ERC2: variants seen among roughly 807,000 people sequenced by gnomAD.
The protein encoded by ERC2 is ELKS/RAB6-interacting/CAST family member 2, also known as ERC protein 2.
A neutral mutation model predicts 114.8 loss-of-function variants in ERC2; 42 were observed. The ratio of observed to expected loss-of-function variants is 0.37; its 90% confidence interval spans 0.29 to 0.47. ERC2 has a LOEUF of 0.47. Ranked by LOEUF, ERC2 falls within the 20% of genes least tolerant of loss-of-function variation. The probability of loss-of-function intolerance (pLI) is 0.99; values close to 1 mark genes in which losing one functional copy is unlikely to be tolerated. For synonymous variants in ERC2, 454 were observed against 425.5 expected (o/e 1.07, Z -0.82); for missense variants, 939 against 1,150.7 (o/e 0.82, Z 2.66).
At chr3:55,611,309 G>T (rs987560651) in intron 17 of ERC2, among the ~76,000 whole-genome samples, 1 of 152,092 alleles carries the variant, frequency 6.6e-6, no homozygotes, top group African/African-American at 2.4e-5. Context: ...TGTCCTCTCC[G>T]TGAGCTAATT....
chr3:55,817,256 G>A (rs1414059446), intron 14 of ERC2, among the ~76,000 whole-genome samples: 4 of 152,192 alleles, frequency 2.6e-5, no homozygotes, highest in Non-Finnish European at 5.9e-5. Context: ...TCTGAACCCA[G>A]CTCTGACTTG....
At chr3:56,022,005 C>T (rs1361295520) in intron 7 of ERC2, among the ~76,000 whole-genome samples, 2 of 152,066 alleles carry the variant, frequency 1.3e-5, no homozygotes, top group Non-Finnish European at 2.9e-5. Context: ...CATGGTTTTG[C>T]TATTGTGAAC....
At chr3:55,694,275 T>C (rs756657233) in intron 16 of ERC2, among the ~76,000 whole-genome samples, 2 of 152,170 alleles carry the variant, frequency 1.3e-5, no homozygotes, top group Non-Finnish European at 2.9e-5. Flanking sequence ...TTTCTTTATT[T>C]ATGCAATGGG....
chr3:55,832,443 G>A (rs1196118044), intron 14 of ERC2, among the ~76,000 whole-genome samples: 4 of 152,186 alleles, frequency 2.6e-5, no homozygotes, highest in African/African-American at 9.7e-5. Flanking sequence ...CAGCATTCAC[G>A]GTTCACGAAA....
chr3:56,021,972 T>TTAATGGG (rs2073750732), intron 7 of ERC2, among the ~76,000 whole-genome samples: 1 of 152,252 alleles, frequency 6.6e-6, no homozygotes, highest in Admixed American at 6.5e-5. Flanking sequence ...CAGTCTGTCA[T>TTAATGGG]TAATGGGCAT....
At chr3:56,223,506 A>G (rs2050053054) in intron 3 of ERC2, among the ~76,000 whole-genome samples, 1 of 134,446 alleles carries the variant, frequency 7.4e-6, no homozygotes, top group African/African-American at 2.7e-5. Context: ...AAAGGCTACC[A>G]AAGAAAAATG....
intron 9 of ERC2, among the ~76,000 whole-genome samples, chr3:56,007,644 A>C (rs910242602): frequency 4.6e-5 from 7 of 152,086 alleles, no homozygotes; most frequent in African/African-American, 1.7e-4. Context: ...AGACACCCTG[A>C]ACCTTCCGTT....
intron 17 of ERC2, 37 bp downstream of exon 17, chr3:55,683,756 AT>A (rs1387649421): frequency 3.8e-6 from 6 of 1,559,100 alleles, no homozygotes; most frequent in Non-Finnish European, 4.4e-6. Context: ...CTAGAATGCA[AT>A]TTTTTAATAA....
At chr3:55,583,752 G>A (rs993882760) in intron 17 of ERC2, among the ~76,000 whole-genome samples, 7 of 151,720 alleles carry the variant, frequency 4.6e-5, no homozygotes, top group East Asian at 1.9e-4. Flanking sequence ...AACCAGCCAC[G>A]TCTGTAATGG....
At chr3:56,102,054 G>A (rs1462472505) in intron 6 of ERC2, among the ~76,000 whole-genome samples, 1 of 152,190 alleles carries the variant, frequency 6.6e-6, no homozygotes, top group East Asian at 1.9e-4. Flanking sequence ...CTTGTCACCT[G>A]GATGTTCTTA....
intron 14 of ERC2, among the ~76,000 whole-genome samples, chr3:55,771,238 T>C (rs555162975): frequency 4.6e-5 from 7 of 152,300 alleles, no homozygotes; most frequent in Admixed American, 3.3e-4. Context: ...TCCACAATGG[T>C]TGAACTCATT....
At chr3:55,672,530 A>G (rs1242306326) in intron 17 of ERC2, among the ~76,000 whole-genome samples, 1 of 152,120 alleles carries the variant, frequency 6.6e-6, no homozygotes, top group Admixed American at 6.5e-5. Context: ...TAAAATGGGC[A>G]TGGTGTCACC....
At chr3:55,884,478 C>T (rs534506486) in intron 14 of ERC2, among the ~76,000 whole-genome samples, 3 of 151,826 alleles carry the variant, frequency 2.0e-5, no homozygotes, top group African/African-American at 7.2e-5. Context: ...TTAAAATGAA[C>T]AATATCACCT....
chr3:56,009,729 T>C lies in ERC2; in HGVS notation c.1920+720A>G, dbSNP rs532334043. Among the ~76,000 whole-genome samples the C allele has an allele frequency of 6.6e-5, 10 of 152,292 alleles. No homozygotes were observed. In the Middle Eastern group the frequency reaches 0.014, roughly 207 times the overall value. The stretch of plus-strand genomic sequence containing the variant: ...TGCTGCTCATACTTCTCCACCGAAC[T>C]ATCCCCAAGAAAACTGAGAGGGTTA... On this transcript the variant is annotated intron_variant, in intron 9 of 17. Transcript: ENST00000288221.
intron 3 of ERC2, among the ~76,000 whole-genome samples, chr3:56,240,363 T>C (rs2051245583): frequency 6.6e-6 from 1 of 152,234 alleles, no homozygotes; most frequent in Non-Finnish European, 1.5e-5. Context: ...ATGTGTAAAA[T>C]AACTAATCTC....
chr3:56,086,412 C>G (rs1471209727), intron 6 of ERC2, among the ~76,000 whole-genome samples: 1 of 151,822 alleles, frequency 6.6e-6, no homozygotes, highest in Non-Finnish European at 1.5e-5. Context: ...TACTTAACTT[C>G]AAAGGAATTT....
intron 6 of ERC2, among the ~76,000 whole-genome samples, chr3:56,100,563 T>C (rs2078296818): frequency 6.6e-6 from 1 of 152,252 alleles, no homozygotes; most frequent in Admixed American, 6.5e-5. Flanking sequence ...AAAAGATATT[T>C]CATTTTGATT....
At chr3:56,099,992 A>T (rs950748133) in intron 6 of ERC2, among the ~76,000 whole-genome samples, 1 of 151,402 alleles carries the variant, frequency 6.6e-6, no homozygotes, top group Non-Finnish European at 1.5e-5. Flanking sequence ...TATTGGGGAG[A>T]AAAAAAAAGG....
chr3:55,988,605 C>T (rs1289294565), intron 11 of ERC2, among the ~76,000 whole-genome samples: 1 of 152,148 alleles, frequency 6.6e-6, no homozygotes, highest in African/African-American at 2.4e-5. Context: ...TATTCCTAAC[C>T]CTGTACCTTT....
Sources: allele counts gnomAD v4.1 joint callset (sites outside exome capture counted in the v4.1 genomes callset), GRCh38; gene constraint gnomAD v4.1.1; transcripts MANE v1.5; gene names NCBI Gene and HGNC (gene_info 2026-07-23, HGNC 2026-07-21).